Variants in DOCK3 observed in about 807,000 individuals in gnomAD.
DOCK3 encodes the protein dedicator of cytokinesis protein 3.
DOCK3 carries 60 observed loss-of-function variants against 265.6 expected under a neutral mutation model. That is an observed-to-expected ratio of 0.23 (90% confidence interval 0.18 to 0.28). DOCK3 has a LOEUF of 0.28. DOCK3 is among the 10% of genes least tolerant of loss of function. The pLI is 1.00. For synonymous variants in DOCK3, 881 were observed against 938.0 expected (o/e 0.94, Z 1.11); for missense variants, 1,981 against 2,594.3 (o/e 0.76, Z 5.14).
chr3:50,797,703 A>G (rs2042863904), intron 2 of DOCK3, among the ~76,000 whole-genome samples: 1 of 152,016 alleles, frequency 6.6e-6, no homozygotes, highest in Non-Finnish European at 1.5e-5. Flanking sequence ...TGTCTTTTTG[A>G]TGATAGCCAT....
intron 1 of DOCK3, among the ~76,000 whole-genome samples, chr3:50,730,264 C>T (rs1020197753): frequency 6.6e-6 from 1 of 152,146 alleles, no homozygotes; most frequent in Non-Finnish European, 1.5e-5. Flanking sequence ...GCCTCAGCCT[C>T]CCAAGTGGTT....
rs867138375 is a variant in DOCK3 at position 51,318,504 on chromosome 3, C to T, written c.3402+3376C>T. Among the ~76,000 whole-genome samples the T allele has an allele frequency of 3.3e-5, 5 of 152,126 alleles. No individual in the cohort carries two copies. The South Asian group carries it at 8.3e-4, about 25-fold the overall frequency. Reference sequence around the variant, plus strand: ...ATCAGTGTTTTGTATACAGATCTTACACATATATTATTAGATTTATATGTA... The same window carrying T: ...ATCAGTGTTTTGTATACAGATCTTATACATATATTATTAGATTTATATGTA... On this transcript the variant is annotated intron_variant, in intron 32 of 52. Transcript: ENST00000266037.
At chr3:51,109,378 T>A (rs1240186160) in intron 9 of DOCK3, among the ~76,000 whole-genome samples, 1 of 152,108 alleles carries the variant, frequency 6.6e-6, no homozygotes, top group East Asian at 1.9e-4. Flanking sequence ...AAGACAGTGT[T>A]AAGAGGGAAC....
intron 2 of DOCK3, among the ~76,000 whole-genome samples, chr3:50,825,004 A>G (rs2044676396): frequency 6.6e-6 from 1 of 152,216 alleles, no homozygotes; most frequent in African/African-American, 2.4e-5. Context: ...GTACATCTAG[A>G]TGAATGTTGT....
chr3:51,359,094 G>A lies in DOCK3; in HGVS notation c.4884+1017G>A, dbSNP rs541773971. On this transcript the variant is annotated intron_variant, in intron 46 of 52. Transcript: ENST00000266037. This position sits in a 1 kb window ranked among gnomAD's most constrained non-coding sequence, Gnocchi z 4.8. The stretch of plus-strand genomic sequence containing the variant: ...GAAGTAGAGCTGTTCAATGCTGCAC[G>A]AGGTTGTCATGAGCAAAAAATTCCC... Among the ~76,000 whole-genome samples the A allele has an allele frequency of 1.1e-3, 169 of 152,324 alleles. No individual in the cohort carries two copies. The highest frequency in any genetic ancestry group is 4.0e-3 in the African/African-American group (167 of 41,592).
At chr3:50,901,228 T>G (rs2049175569) in intron 4 of DOCK3, among the ~76,000 whole-genome samples, 1 of 152,152 alleles carries the variant, frequency 6.6e-6, no homozygotes. Flanking sequence ...TGAACTACAG[T>G]GGGCTCCACC....
At chr3:51,274,519 T>C (rs868439744) in intron 24 of DOCK3, among the ~76,000 whole-genome samples, 1 of 152,192 alleles carries the variant, frequency 6.6e-6, no homozygotes, top group Non-Finnish European at 1.5e-5. Context: ...GGCTCACACC[T>C]GTAATCTTAG....
At chr3:50,960,957 T>C (rs937323504) in intron 5 of DOCK3, among the ~76,000 whole-genome samples, 1 of 152,200 alleles carries the variant, frequency 6.6e-6, no homozygotes, top group African/African-American at 2.4e-5. Context: ...TTGAGTTGTC[T>C]TGGCACAGTT....
chr3:51,050,855 C>T (rs1168195377), intron 5 of DOCK3, among the ~76,000 whole-genome samples: 1 of 152,058 alleles, frequency 6.6e-6, no homozygotes, highest in East Asian at 1.9e-4. Context: ...CATCCCTTAG[C>T]CCAGTCAAGT....
chr3:50,996,258 C>T (rs551294007), intron 5 of DOCK3, among the ~76,000 whole-genome samples: 3 of 151,540 alleles, frequency 2.0e-5, no homozygotes, highest in Non-Finnish European at 4.4e-5. Context: ...CGCTCTGTCG[C>T]CCAGGCTGGA....
intron 10 of DOCK3, among the ~76,000 whole-genome samples, chr3:51,149,952 T>C (rs1019732782): frequency 3.9e-5 from 6 of 152,234 alleles, no homozygotes; most frequent in Non-Finnish European, 8.8e-5. Flanking sequence ...AGAATTCAGC[T>C]GTGAACCCGT....
At chr3:50,972,361 CT>C (rs1427324116) in intron 5 of DOCK3, among the ~76,000 whole-genome samples, 6 of 152,228 alleles carry the variant, frequency 3.9e-5, no homozygotes, top group Non-Finnish European at 5.9e-5. Context: ...AGAAGTCTCC[CT>C]CTCTGTATCT....
At position 50,973,049 on chromosome 3, in the gene DOCK3, CTTTT is replaced by C. The variant is rs71858027; in HGVS notation, c.315+38993_315+38996del. ...ACAATCCGTGGCATTCAGTGTGTTTCTTTTTTTTTTTTTTTTTTTTTTTTGCAGT... is the reference window on the plus strand; with the variant it reads ...ACAATCCGTGGCATTCAGTGTGTTTCTTTTTTTTTTTTTTTTTTTTGCAGT... On this transcript the variant is annotated intron_variant, in intron 5 of 52. Transcript: ENST00000266037. Among the ~76,000 whole-genome samples, 7 of 19,022 alleles carry C rather than the reference CTTTT, an allele frequency of 3.7e-4. No individual in the cohort carries two copies. The South Asian group carries it at 0.014, about 38-fold the overall frequency. 12.5% of individuals were successfully genotyped at this position (19,022 alleles called of 152,430 possible).
chr3:51,067,427 T>TGTGTGTGTG (rs2081633377), intron 6 of DOCK3, among the ~76,000 whole-genome samples: 1 of 144,106 alleles, frequency 6.9e-6, no homozygotes, highest in African/African-American at 2.6e-5. Context: ...TGAAATATGT[T>TGTGTGTGTG]TGTGTGTGTG....
At chr3:50,697,016 C>T (rs369568763) in intron 1 of DOCK3, among the ~76,000 whole-genome samples, 1 of 151,580 alleles carries the variant, frequency 6.6e-6, no homozygotes, top group Non-Finnish European at 1.5e-5. Flanking sequence ...CTGTAACCTC[C>T]ACCTCCTGGG....
At chr3:51,137,859 G>A (rs2084875817) in intron 9 of DOCK3, among the ~76,000 whole-genome samples, 1 of 152,106 alleles carries the variant, frequency 6.6e-6, no homozygotes, top group Non-Finnish European at 1.5e-5. Context: ...TAGAAAGATG[G>A]TTTCTCATTC....
chr3:51,197,335 G>C (rs2088365594), intron 12 of DOCK3, among the ~76,000 whole-genome samples: 1 of 152,178 alleles, frequency 6.6e-6, no homozygotes, highest in Non-Finnish European at 1.5e-5. Context: ...AGTGGCAGTG[G>C]TGGATTGCAC....
intron 5 of DOCK3, among the ~76,000 whole-genome samples, chr3:50,949,309 A>G (rs1165470780): frequency 6.6e-6 from 1 of 152,222 alleles, no homozygotes; most frequent in African/African-American, 2.4e-5. Context: ...TTAGAATTCA[A>G]TAACAAAACA....
chr3:50,779,736 T>C (rs34900426), intron 2 of DOCK3, among the ~76,000 whole-genome samples: 14,327 of 152,228 alleles, frequency 0.094, 820 homozygotes, highest in Non-Finnish European at 0.12. Context: ...CTGTGGCATA[T>C]ATGGGTATTT....
Sources: gnomAD v4.1 joint callset for allele counts (sites outside exome capture counted in the v4.1 genomes callset) on GRCh38, gnomAD v4.1.1 for gene constraint, Gnocchi (gnomAD v3.1) non-coding constraint, MANE v1.5 for transcripts, NCBI Gene and HGNC (gene_info 2026-07-23, HGNC 2026-07-21) for gene names.